SLC38A9: variants seen among roughly 807,000 people sequenced by gnomAD.
SLC38A9 encodes the protein solute carrier family 38 member 9, also known as neutral amino acid transporter 9.
In SLC38A9, 48 loss-of-function variants were observed where a neutral mutation model predicts 62.3. The ratio of observed to expected loss-of-function variants is 0.77; its 90% CI spans 0.61 to 0.98. The LOEUF is 0.98. SLC38A9 is among the 50% of genes least tolerant of loss of function. The pLI, the probability that SLC38A9 is intolerant of heterozygous loss-of-function variation, is 0.00. For synonymous variants in SLC38A9, 204 were observed against 227.7 expected (o/e 0.90, Z 0.94); for missense variants, 541 against 679.8 (o/e 0.80, Z 2.27).
rs139227915 is a variant in SLC38A9, at chr5:55,697,864, G to A, written c.95C>T (p.Ser32Leu). The change falls in exon 3 of 16, where the codon TCG (serine) becomes TTG (leucine). Residue 32 changes from serine (S) to leucine (L), a missense_variant. Ser to Leu is a moderately radical substitution (Grantham distance 145, BLOSUM62 -2). Coordinates refer to ENST00000396865, the MANE Select transcript of SLC38A9 (RefSeq NM_173514.4). The stretch of plus-strand genomic sequence containing the variant: ...TGCTTACCTTTTGGATCTTAGATCC[G>A]ATGGCTCAAACTGGATATTCATAGG... ...PGPMNIQFEPSDLRSKRPFCI... is the reference protein window; with the variant it reads ...PGPMNIQFEPLDLRSKRPFCI... 77 of 1,582,910 alleles carry A rather than the reference G, an allele frequency of 4.9e-5. No homozygotes were observed. The highest frequency in any genetic ancestry group is 6.8e-5 in the African/African-American group (5 of 73,396).
chr5:55,637,897 G>A (rs1032147710), intron 12 of SLC38A9, among the ~76,000 whole-genome samples: 3 of 152,160 alleles, frequency 2.0e-5, no homozygotes, highest in African/African-American at 7.2e-5. Flanking sequence ...GATCTTTTTA[G>A]TTCCAAATTG....
chr5:55,697,669 AAAAAAAT>A lies in SLC38A9; in HGVS notation c.113+170_113+176del, dbSNP rs1260612476. ...TGAGTTTAGTGAAAAAAAAAAAAAA[AAAAAAAT>A]ATAAACCAGTAAATAGTATTCCTAT... On this transcript the variant is annotated intron_variant, in intron 3 of 15. Transcript: ENST00000396865. Among the ~76,000 whole-genome samples, 113 of 150,004 alleles carry A rather than the reference AAAAAAAT, an allele frequency of 7.5e-4. No homozygotes were observed. In the East Asian group the frequency reaches 0.018, roughly 24 times the overall value.
intron 3 of SLC38A9, among the ~76,000 whole-genome samples, chr5:55,683,231 A>C (rs1172460375): frequency 6.6e-6 from 1 of 152,226 alleles, no homozygotes; most frequent in Admixed American, 6.5e-5. Flanking sequence ...TTTGTTTTAC[A>C]GATGAGGTCT....
chr5:55,667,745 T>C (rs1750706790), intron 7 of SLC38A9, among the ~76,000 whole-genome samples: 1 of 152,138 alleles, frequency 6.6e-6, no homozygotes, highest in African/African-American at 2.4e-5. Flanking sequence ...TTTATTTTAT[T>C]TTAAGACAGT....
intron 3 of SLC38A9, chr5:55,691,047 T>A: frequency 1.6e-6 from 1 of 632,370 alleles, no homozygotes; most frequent in Non-Finnish European, 2.8e-6. Flanking sequence ...TAGAGGACAT[T>A]ATAAAAAAGA....
intron 10 of SLC38A9, among the ~76,000 whole-genome samples, chr5:55,650,187 G>C (rs1048708877): frequency 6.6e-6 from 1 of 152,136 alleles, no homozygotes; most frequent in Non-Finnish European, 1.5e-5. Context: ...CTACTTGCTA[G>C]ACAGAGATTC....
chr5:55,659,244 TA>T (rs199838038), intron 8 of SLC38A9, among the ~76,000 whole-genome samples: 1,478 of 143,840 alleles, frequency 0.01, 15 homozygotes, highest in Middle Eastern at 0.039. Context: ...AACTTCACAT[TA>T]AAAAAAAAAC....
At chr5:55,648,271 T>G (rs1327258042) in intron 11 of SLC38A9, among the ~76,000 whole-genome samples, 1 of 152,156 alleles carries the variant, frequency 6.6e-6, no homozygotes, top group Non-Finnish European at 1.5e-5. Flanking sequence ...CACATTTTAT[T>G]TATCCATTTG....
chr5:55,691,779 A>AG (rs1491149454), intron 3 of SLC38A9, among the ~76,000 whole-genome samples: 2 of 152,148 alleles, frequency 1.3e-5, no homozygotes, highest in Non-Finnish European at 2.9e-5. Context: ...CCCCCAAATC[A>AG]GGGGGAAAAC....
chr5:55,664,647 A>T, intron 8 of SLC38A9, 46 bp downstream of exon 8: 2 of 1,027,596 alleles, frequency 1.9e-6, no homozygotes, highest in Non-Finnish European at 2.7e-6. Context: ...CAGTGGTAAT[A>T]GTATTTGAAA....
Position 55,626,284 on chromosome 5 carries a change from A to T in SLC38A9, c.*210T>A, listed in dbSNP as rs1742397601. The T allele has an allele frequency of 4.6e-6, 2 of 436,832 alleles. No homozygotes were observed. Among genetic ancestry groups the T allele is most frequent in the African/African-American group, 2.0e-5 (1 of 50,884 alleles). 27.1% of individuals were successfully genotyped at this position (436,832 alleles called of 1,614,324 possible). On this transcript the variant is annotated 3_prime_UTR_variant, in exon 16 of 16. Transcript: ENST00000396865. ...AATAAAGAGGTGAGTTAATATGAGA[A>T]AGGTAAAGACACTAAGATCATTCTT...
Position 55,687,076 on chromosome 5 carries a change from T to TTG in SLC38A9, c.113+10769_113+10770insCA, listed in dbSNP as rs1554065541. On this transcript the variant is annotated intron_variant, in intron 3 of 15. Coordinates refer to ENST00000396865, the MANE Select transcript of SLC38A9 (RefSeq NM_173514.4). ...ATGCCTCCAGCTTTGTTTTTTTTTT[T>TTG]TTTTTTTTTTTTTTGCTTAAGATTG... is the stretch of plus-strand genomic sequence containing the variant. Among the ~76,000 whole-genome samples, 78 of 141,394 alleles carry TTG rather than the reference T, an allele frequency of 5.5e-4. No homozygotes were observed. The South Asian group carries it at 5.7e-3, about 10-fold the overall frequency. The allele number at this position is 141,394 out of a possible 152,430, so 92.8% of individuals were successfully genotyped here.
chr5:55,708,606 C>A (rs2150739219), intron 2 of SLC38A9, among the ~76,000 whole-genome samples: 1 of 152,172 alleles, frequency 6.6e-6, no homozygotes, highest in South Asian at 2.1e-4. Context: ...GACTATGGAC[C>A]CACATACAAC....
chr5:55,672,065 T>C (rs1261858077), intron 4 of SLC38A9, among the ~76,000 whole-genome samples: 1 of 152,088 alleles, frequency 6.6e-6, no homozygotes, highest in Non-Finnish European at 1.5e-5. Flanking sequence ...TTCTCCAGGC[T>C]GGTCTTGAAC....
At chr5:55,690,787 A>G (rs1754620550) in intron 3 of SLC38A9, among the ~76,000 whole-genome samples, 2 of 152,114 alleles carry the variant, frequency 1.3e-5, no homozygotes, top group Admixed American at 1.3e-4. Flanking sequence ...CTTTTTGTAA[A>G]GTGCTAAGAG....
chr5:55,675,655 A>C (rs1751992844), intron 3 of SLC38A9, among the ~76,000 whole-genome samples: 1 of 152,222 alleles, frequency 6.6e-6, no homozygotes, highest in Admixed American at 6.5e-5. Flanking sequence ...AAAAATAAAT[A>C]AGTCATATTT....
intron 3 of SLC38A9, among the ~76,000 whole-genome samples, chr5:55,676,979 A>C (rs1752194430): frequency 6.6e-6 from 1 of 152,336 alleles, no homozygotes; most frequent in Admixed American, 6.5e-5. Flanking sequence ...TTTCACACAC[A>C]TGGATTCAAA....
intron 12 of SLC38A9, 144 bp downstream of exon 12, chr5:55,645,645 G>T: frequency 3.1e-6 from 2 of 645,356 alleles, no homozygotes; most frequent in Non-Finnish European, 5.3e-6. Context: ...ATTTGCTGAC[G>T]ACTGCTCTAT....
At position 55,691,321 on chromosome 5, in the gene SLC38A9, G is replaced by A. The variant is rs538722888; in HGVS notation, c.113+6525C>T. 7.5e-5 allele frequency: 110 copies of A among 1,470,164 alleles called. No individual in the cohort carries two copies. In the African/African-American group the frequency reaches 1.1e-3, roughly 15 times the overall value. 91.1% of individuals were successfully genotyped at this position (1,470,164 alleles called of 1,614,324 possible). A position where few individuals can be genotyped will look rare whatever the true frequency, so the allele number is the denominator to read the frequency against. ...GAGGGAATAGGACAGATAAGTACTG[G>A]TGAATAAGGGGCAGAAGAAAAATAT... On this transcript the variant is annotated intron_variant, in intron 3 of 15. Transcript: ENST00000396865.
Sources: allele counts gnomAD v4.1 joint callset (sites outside exome capture counted in the v4.1 genomes callset), GRCh38; gene constraint gnomAD v4.1.1; transcripts MANE v1.5; gene names NCBI Gene and HGNC (gene_info 2026-07-23, HGNC 2026-07-21).